The following EML1 variants were observed in gnomAD, a reference collection of about 807,000 sequenced individuals.
EML1 encodes echinoderm microtubule-associated protein-like 1.
A neutral mutation model predicts 110.4 loss-of-function variants in EML1; 27 were observed. That is an observed-to-expected ratio of 0.24 (90% confidence interval 0.18 to 0.34). The LOEUF is 0.34. Among genes scored for constraint, EML1 ranks in the 10% least tolerant of loss-of-function variants. The probability of loss-of-function intolerance (pLI) is 1.00; values close to 1 mark genes in which losing one functional copy is unlikely to be tolerated. For missense variants in EML1, 741 were observed against 1,030.9 expected, an observed-to-expected ratio of 0.72 and a Z score of 3.85; for synonymous variants, 344 against 385.8, an observed-to-expected ratio of 0.89 and a Z score of 1.27.
chr14:99,938,147 G>A (rs2060509519), intron 20 of EML1, among the ~76,000 whole-genome samples: 1 of 152,058 alleles, frequency 6.6e-6, no homozygotes, highest in Non-Finnish European at 1.5e-5. Flanking sequence ...ACTGTACAGG[G>A]CAGCAGGTCC....
At chr14:99,811,640 CAAAAAAAAAAA>C (rs71113224) in intron 1 of EML1, among the ~76,000 whole-genome samples, 3 of 120,026 alleles carry the variant, frequency 2.5e-5, no homozygotes, top group African/African-American at 9.5e-5. Context: ...CTGTCTCTAC[CAAAAAAAAAAA>C]AAAAAAAAAA....
At chr14:99,920,567 G>A (rs2060112703) in intron 16 of EML1, among the ~76,000 whole-genome samples, 1 of 152,178 alleles carries the variant, frequency 6.6e-6, no homozygotes, top group African/African-American at 2.4e-5. Flanking sequence ...GTTGATAATG[G>A]CATAGTTTTG....
chr14:99,829,071 A>G (rs1320892180), intron 1 of EML1, among the ~76,000 whole-genome samples: 1 of 152,192 alleles, frequency 6.6e-6, no homozygotes, highest in Non-Finnish European at 1.5e-5. Context: ...AGTGCTGTCC[A>G]CAGTTCCAGG....
At chr14:99,856,603 T>C (rs1415775973) in intron 2 of EML1, among the ~76,000 whole-genome samples, 1 of 152,220 alleles carries the variant, frequency 6.6e-6, no homozygotes, top group Admixed American at 6.5e-5. Context: ...GAAAAAAATC[T>C]TTTCTCTTTT....
upstream of EML1, among the ~76,000 whole-genome samples, chr14:99,790,865 C>CTTTTTTTTTTTTTTTTTTTTT (rs763959981): frequency 4.3e-5 from 6 of 138,476 alleles, no homozygotes; most frequent in African/African-American, 1.4e-4. Context: ...TTTTTCTTTT[C>CTTTTTTTTTTTTTTTTTTTTT]CTTTTTTTTT....
chr14:99,809,431 A>G (rs541895526), intron 1 of EML1: 36 of 326,716 alleles, frequency 1.1e-4, no homozygotes, highest in Non-Finnish European at 1.9e-4. Flanking sequence ...AGTAGCGCAT[A>G]CTTACTCACG....
chr14:99,742,524 G>A lies in EML1; in HGVS notation c.28+4664G>A, dbSNP rs760298976. 2.0e-4 allele frequency among the ~76,000 whole-genome samples: 31 copies of A among 152,260 alleles called. 1 individual carries two copies. The highest frequency in any genetic ancestry group is 2.6e-4 in the Non-Finnish European group (18 of 68,012). On this transcript the variant is annotated intron_variant, in intron 1 of 10. Coordinates refer to the EML1 transcript ENST00000554479. ...GGTCCACACAGAAGAGGAGGGACCC[G>A]GAGGAGGGCACAGGGAGATCTGGCA...
At chr14:99,796,012 C>G (rs548177565) in intron 1 of EML1, among the ~76,000 whole-genome samples, 1 of 151,998 alleles carries the variant, frequency 6.6e-6, no homozygotes, top group African/African-American at 2.4e-5. Flanking sequence ...ATAGCAAGAC[C>G]CCCCTCTACA....
intron 17 of EML1, among the ~76,000 whole-genome samples, chr14:99,931,863 C>T (rs866229464): frequency 6.6e-6 from 1 of 152,238 alleles, no homozygotes; most frequent in Non-Finnish European, 1.5e-5. Context: ...TTCTAATCCT[C>T]ACACTCTGCC....
intron 1 of EML1, among the ~76,000 whole-genome samples, chr14:99,811,846 A>G (rs1566877524): frequency 6.6e-6 from 1 of 151,696 alleles, no homozygotes; most frequent in Non-Finnish European, 1.5e-5. Context: ...AAGGAAAGAA[A>G]GAAAATAAAG....
intron 1 of EML1, among the ~76,000 whole-genome samples, chr14:99,814,434 T>G (rs2058133270): frequency 6.6e-6 from 1 of 152,092 alleles, no homozygotes; most frequent in Non-Finnish European, 1.5e-5. Context: ...GATAATTTTT[T>G]TTCTAAATTT....
intron 1 of EML1, among the ~76,000 whole-genome samples, chr14:99,747,237 G>GA (rs1323080771): frequency 1.3e-5 from 2 of 150,198 alleles, no homozygotes; most frequent in East Asian, 1.9e-4. Context: ...ACCACCTCTG[G>GA]AAAAAAAATC....
upstream of EML1, among the ~76,000 whole-genome samples, chr14:99,771,870 G>T (rs2057431564): frequency 6.6e-6 from 1 of 152,188 alleles, no homozygotes; most frequent in African/African-American, 2.4e-5. Flanking sequence ...AATGCTGCCA[G>T]TTGGTTCCTT....
At chr14:99,937,730 A>T in intron 19 of EML1, 87 bp from the exon 20 acceptor site, 1 of 1,234,644 alleles carries the variant, frequency 8.1e-7, no homozygotes, top group Non-Finnish European at 1.2e-6. Context: ...TCTGTACCCA[A>T]CGGGGCACAG....
chr14:99,833,403 T>A (rs1466698316), intron 1 of EML1, among the ~76,000 whole-genome samples: 1 of 152,242 alleles, frequency 6.6e-6, no homozygotes, highest in Non-Finnish European at 1.5e-5. Context: ...TGACTGTCAC[T>A]TAAGTTGGGC....
At chr14:99,745,116 G>C (rs907148998) in intron 1 of EML1, among the ~76,000 whole-genome samples, 2 of 151,852 alleles carry the variant, frequency 1.3e-5, no homozygotes, top group African/African-American at 4.8e-5. Flanking sequence ...ACCCAGGCTT[G>C]AGTGCAGTGG....
chr14:99,769,741 C>T (rs1398996219), upstream of EML1, among the ~76,000 whole-genome samples: 1 of 152,194 alleles, frequency 6.6e-6, no homozygotes. Flanking sequence ...TTTCTCAGGA[C>T]ACCACTTAAA....
chr14:99,930,470 A>AT (rs1231158422), intron 17 of EML1, among the ~76,000 whole-genome samples: 1 of 152,178 alleles, frequency 6.6e-6, no homozygotes, highest in Non-Finnish European at 1.5e-5. Flanking sequence ...AGCCTAGAGA[A>AT]TTTCCATGGA....
chr14:99,910,441 G>A, intron 12 of EML1, 100 bp downstream of exon 12: 1 of 920,132 alleles, frequency 1.1e-6, no homozygotes, highest in Non-Finnish European at 1.6e-6. Context: ...ACGTACAGGA[G>A]TAGGATGAAA....
Sources: allele counts gnomAD v4.1 joint callset (sites outside exome capture counted in the v4.1 genomes callset), GRCh38; gene constraint gnomAD v4.1.1; transcripts MANE v1.5; gene names NCBI Gene and HGNC (gene_info 2026-07-23, HGNC 2026-07-21).